The following TTLL11 variants were observed in gnomAD, a reference collection of about 807,000 sequenced individuals.
TTLL11 encodes tubulin polyglutamylase TTLL11.
In TTLL11, 42 loss-of-function variants were observed where a neutral mutation model predicts 51.7. That is an observed-to-expected ratio of 0.81 (90% CI 0.64 to 1.05). The LOEUF (loss-of-function observed/expected upper bound fraction) is 1.05, where lower values mean the gene tolerates loss of function less well. TTLL11 is among the 50% of genes least tolerant of loss of function. The probability of loss-of-function intolerance (pLI) is 0.00; values close to 1 mark genes in which losing one functional copy is unlikely to be tolerated. For missense variants in TTLL11, 799 were observed against 940.4 expected (o/e 0.85, Z 1.97); for synonymous variants, 381 against 383.5 (o/e 0.99, Z 0.08).
chr9:121,993,435 C>T (rs142109743), intron 3 of TTLL11, among the ~76,000 whole-genome samples: 3,352 of 152,254 alleles, frequency 0.022, 59 homozygotes, highest in Admixed American at 0.028. Flanking sequence ...TGTGTGACCT[C>T]GAGAAAGTCA....
In TTLL11 at chr9:121,822,942, C is replaced by T; in HGVS notation, c.1841-63G>A. 6.9e-7 allele frequency: 1 copy of T among 1,455,990 alleles called. No homozygotes were observed. Among genetic ancestry groups the T allele is most frequent in the South Asian group, 1.4e-5 (1 of 69,156 alleles). The allele number at this position is 1,455,990 out of a possible 1,614,324, so 90.2% of individuals were successfully genotyped here. On this transcript the variant is annotated intron_variant, in intron 8 of 8. Transcript: ENST00000321582. The surrounding 1 kb of genome is among the most constrained non-coding windows in gnomAD (Gnocchi z 5.8). ...CTGCCCTACGCTGCCCTGGGAAGGC[C>T]CACCTCCAGCCACAAGGATGTCAGC... is the stretch of plus-strand genomic sequence containing the variant.
chr9:121,918,997 T>A (rs1295064080), intron 6 of TTLL11, among the ~76,000 whole-genome samples: 1 of 152,212 alleles, frequency 6.6e-6, no homozygotes, highest in East Asian at 1.9e-4. Context: ...GCTTCTGGGG[T>A]CCTGGTAATG....
intron 1 of TTLL11, among the ~76,000 whole-genome samples, chr9:122,042,397 C>T (rs1471168656): frequency 6.6e-6 from 1 of 152,214 alleles, no homozygotes; most frequent in Non-Finnish European, 1.5e-5. Context: ...ATTACAATGG[C>T]CAAAGTCCAA....
At chr9:121,824,634 G>A (rs764215941) in intron 8 of TTLL11, among the ~76,000 whole-genome samples, 1 of 151,830 alleles carries the variant, frequency 6.6e-6, no homozygotes, top group Non-Finnish European at 1.5e-5. Context: ...AGTTTCAACT[G>A]CCTGAAAGGG....
At chr9:122,032,385 C>T (rs1467212493) in intron 2 of TTLL11, among the ~76,000 whole-genome samples, 1 of 152,044 alleles carries the variant, frequency 6.6e-6, no homozygotes, top group African/African-American at 2.4e-5. Flanking sequence ...AAATCTGTCT[C>T]CTTGAATGAA....
chr9:121,899,382 TATATATATATATATATATATAC>T (rs1839675665), intron 6 of TTLL11, among the ~76,000 whole-genome samples: 1 of 113,346 alleles, frequency 8.8e-6, no homozygotes, highest in African/African-American at 3.2e-5. Flanking sequence ...TATATACATA[TATATATATATATATATATATAC>T]ACACACACAC....
At chr9:122,072,915 T>C (rs890794226) in intron 1 of TTLL11, among the ~76,000 whole-genome samples, 1 of 152,228 alleles carries the variant, frequency 6.6e-6, no homozygotes, top group Non-Finnish European at 1.5e-5. Flanking sequence ...AGGGTGTCAT[T>C]TCTTTGTTTG....
intron 1 of TTLL11, among the ~76,000 whole-genome samples, chr9:122,046,407 G>A (rs2416846): frequency 0.043 from 6,587 of 152,090 alleles, 176 homozygotes; most frequent in African/African-American, 0.074. Context: ...TGAACCATGA[G>A]CCAATTAAAC....
intron 6 of TTLL11, among the ~76,000 whole-genome samples, chr9:121,900,138 G>C (rs1204103035): frequency 6.6e-6 from 1 of 152,290 alleles, no homozygotes; most frequent in East Asian, 1.9e-4. Flanking sequence ...TAGTCCCAAT[G>C]GCCTCTGGAC....
chr9:122,045,652 G>A (rs1002594411), intron 1 of TTLL11, among the ~76,000 whole-genome samples: 7 of 152,162 alleles, frequency 4.6e-5, no homozygotes, highest in African/African-American at 4.8e-5. Flanking sequence ...AAAAGCCCAG[G>A]TGTGTCCATT....
chr9:122,087,399 G>A (rs540987807), intron 1 of TTLL11, among the ~76,000 whole-genome samples: 1 of 152,262 alleles, frequency 6.6e-6, no homozygotes, highest in South Asian at 2.1e-4. Flanking sequence ...TTAATAAACA[G>A]TAACTAATAT....
chr9:121,881,568 G>A (rs1372373359), intron 6 of TTLL11, among the ~76,000 whole-genome samples: 4 of 152,162 alleles, frequency 2.6e-5, no homozygotes, highest in African/African-American at 7.2e-5. Context: ...CTGGCACATC[G>A]GTCAATTCCC....
intron 6 of TTLL11, among the ~76,000 whole-genome samples, chr9:121,876,781 C>T (rs1249388810): frequency 6.6e-6 from 1 of 152,182 alleles, no homozygotes; most frequent in Admixed American, 6.5e-5. Context: ...AGCATCAGTG[C>T]CTCCTGATAA....
At chr9:121,930,869 T>C (rs1436259012) in intron 6 of TTLL11, among the ~76,000 whole-genome samples, 1 of 152,236 alleles carries the variant, frequency 6.6e-6, no homozygotes, top group Non-Finnish European at 1.5e-5. Flanking sequence ...TGCCTACTTA[T>C]TAATGTTTTT....
chr9:121,968,284 T>A (rs1464000227), intron 6 of TTLL11, among the ~76,000 whole-genome samples: 1 of 152,194 alleles, frequency 6.6e-6, no homozygotes, highest in Non-Finnish European at 1.5e-5. Flanking sequence ...CCAAAATAGT[T>A]CACATATGAC....
chr9:122,032,100 T>G (rs3750485), intron 2 of TTLL11, among the ~76,000 whole-genome samples: 1 of 152,246 alleles, frequency 6.6e-6, no homozygotes, highest in East Asian at 1.9e-4. Flanking sequence ...AGCATCAGTT[T>G]GAAGGAATGA....
intron 8 of TTLL11, among the ~76,000 whole-genome samples, chr9:121,855,977 T>C (rs1427782567): frequency 2.0e-5 from 3 of 152,200 alleles, no homozygotes; most frequent in Non-Finnish European, 4.4e-5. Context: ...GTCAACTGTA[T>C]GTCATATTCA....
chr9:121,943,846 G>T (rs574489845), intron 6 of TTLL11, among the ~76,000 whole-genome samples: 69 of 152,284 alleles, frequency 4.5e-4, no homozygotes, highest in Admixed American at 1.2e-3. Flanking sequence ...AGCCTTACAG[G>T]TCTATCCCCC....
chr9:121,963,142 C>G (rs1051983050), intron 6 of TTLL11, among the ~76,000 whole-genome samples: 3 of 96,596 alleles, frequency 3.1e-5, no homozygotes, highest in African/African-American at 9.2e-5. Flanking sequence ...AGTCATAGCC[C>G]CTACTGCAGA....
Sources: gnomAD v4.1 joint callset for allele counts (sites outside exome capture counted in the v4.1 genomes callset) on GRCh38, gnomAD v4.1.1 for gene constraint, Gnocchi (gnomAD v3.1) non-coding constraint, MANE v1.5 for transcripts, NCBI Gene and HGNC (gene_info 2026-07-23, HGNC 2026-07-21) for gene names.